SIL1: variants seen among roughly 807,000 people sequenced by gnomAD.
SIL1 encodes the protein SIL1 nucleotide exchange factor.
In SIL1, 40 loss-of-function variants were observed where a neutral mutation model predicts 49.1. That is an observed-to-expected ratio of 0.81 (90% CI 0.63 to 1.06). The LOEUF is 1.06. Ranked by LOEUF, SIL1 falls within the 50% of genes least tolerant of loss-of-function variation. SIL1 has a pLI of 0.00. For missense variants in SIL1, 500 were observed against 572.6 expected (o/e 0.87, Z 1.29); for synonymous variants, 253 against 250.8 (o/e 1.01, Z -0.08).
At chr5:139,179,228 C>G (rs1304359057) in intron 1 of SIL1, among the ~76,000 whole-genome samples, 1 of 152,158 alleles carries the variant, frequency 6.6e-6, no homozygotes, top group Non-Finnish European at 1.5e-5. Flanking sequence ...ACCAGGACCC[C>G]CTGAAAGAAA....
chr5:139,124,654 G>C (rs1750719258), intron 2 of SIL1, among the ~76,000 whole-genome samples: 1 of 152,222 alleles, frequency 6.6e-6, no homozygotes, highest in African/African-American at 2.4e-5. Flanking sequence ...AGGCTGGACA[G>C]TGAGTTCAAA....
At chr5:139,166,532 C>T (rs1169299352) in intron 1 of SIL1, among the ~76,000 whole-genome samples, 1 of 152,186 alleles carries the variant, frequency 6.6e-6, no homozygotes, top group Non-Finnish European at 1.5e-5. Flanking sequence ...TGATGAGTAC[C>T]TGTAGTCCCA....
At chr5:139,040,668 T>G (rs1204530487) in intron 5 of SIL1, among the ~76,000 whole-genome samples, 1 of 151,652 alleles carries the variant, frequency 6.6e-6, no homozygotes, top group Non-Finnish European at 1.5e-5. Context: ...CCGGCTAATT[T>G]TTGCATTTTC....
rs771297655 is a variant in SIL1 at position 138,947,224 on chromosome 5, C to T, written c.1279G>A (p.Ala427Thr). ...AGGCTGGCCAGCACCTGGTACTCAG[C>T]CTGCAGGCTGGCCAGTGTCCTGCCG... ...QLGRTLASLQ[A>T]EYQVLASLEL... Residue 427 changes from alanine (A) to threonine (T), a missense_variant, in exon 10 of 10, where the codon GCT becomes ACT. Coordinates refer to ENST00000394817, the MANE Select transcript of SIL1 (RefSeq NM_022464.5). The surrounding 1 kb of genome is among the most constrained non-coding windows in gnomAD (Gnocchi z 4.1). 5 of 1,613,200 alleles carry T rather than the reference C, an allele frequency of 3.1e-6. No individual in the cohort carries two copies. In the South Asian group the frequency reaches 5.5e-5, roughly 18 times the overall value.
At chr5:139,174,798 C>T (rs1038853501) in intron 1 of SIL1, among the ~76,000 whole-genome samples, 2 of 150,712 alleles carry the variant, frequency 1.3e-5, no homozygotes, top group African/African-American at 2.4e-5. Context: ...ATTAGCCGGG[C>T]ATCATGTTAT....
chr5:139,151,207 A>G (rs1311260727), intron 1 of SIL1, among the ~76,000 whole-genome samples: 2 of 152,166 alleles, frequency 1.3e-5, no homozygotes, highest in Non-Finnish European at 2.9e-5. Flanking sequence ...TATATGTTGA[A>G]TGAATGAAGA....
At chr5:139,042,559 C>A in intron 5 of SIL1, 61 bp downstream of exon 5, 1 of 1,376,068 alleles carries the variant, frequency 7.3e-7, no homozygotes, top group Admixed American at 1.7e-5. Context: ...TGATTCCATT[C>A]TCTGCAAAGA....
At chr5:139,121,207 C>T in intron 2 of SIL1, 34 bp from the exon 3 acceptor site, 1 of 1,613,716 alleles carries the variant, frequency 6.2e-7, no homozygotes, top group Non-Finnish European at 8.5e-7. Flanking sequence ...TGACCCACTG[C>T]AACTAGGCGC....
chr5:139,189,432 A>AC (rs1226944300), intron 1 of SIL1, among the ~76,000 whole-genome samples: 2 of 151,918 alleles, frequency 1.3e-5, no homozygotes, highest in East Asian at 3.9e-4. Context: ...GTCTCCCATC[A>AC]CCCCCAGATG....
intron 1 of SIL1, among the ~76,000 whole-genome samples, chr5:139,134,578 C>G (rs1437919686): frequency 6.6e-6 from 1 of 152,172 alleles, no homozygotes; most frequent in Non-Finnish European, 1.5e-5. Flanking sequence ...AAATGAGGAC[C>G]AAAGCCTTTT....
At chr5:139,025,808 G>A (rs1768635871) in intron 6 of SIL1, among the ~76,000 whole-genome samples, 1 of 152,144 alleles carries the variant, frequency 6.6e-6, no homozygotes, top group African/African-American at 2.4e-5. Flanking sequence ...TAAAGGGCCT[G>A]GTAGTAAATA....
At chr5:139,117,091 C>T (rs1045251498) in intron 3 of SIL1, among the ~76,000 whole-genome samples, 7 of 152,208 alleles carry the variant, frequency 4.6e-5, no homozygotes, top group African/African-American at 1.7e-4. Flanking sequence ...CTTGCCATAC[C>T]ATCTTTATGC....
chr5:139,153,716 G>C (rs1751352406), intron 1 of SIL1, among the ~76,000 whole-genome samples: 1 of 152,118 alleles, frequency 6.6e-6, no homozygotes, highest in Non-Finnish European at 1.5e-5. Context: ...GAGATACAAA[G>C]GTGACTATGC....
chr5:139,001,899 G>A (rs891645696), intron 7 of SIL1, among the ~76,000 whole-genome samples: 4 of 149,566 alleles, frequency 2.7e-5, no homozygotes, highest in Admixed American at 6.7e-5. Context: ...GTGAGACTCC[G>A]TCTAAAAAAA....
intron 3 of SIL1, among the ~76,000 whole-genome samples, chr5:139,113,140 C>A (rs1339295023): frequency 1.3e-5 from 2 of 151,868 alleles, no homozygotes; most frequent in Admixed American, 1.3e-4. Context: ...ATCTCAAGTA[C>A]CCAGGGACAC....
At chr5:139,025,687 C>T (rs1232649783) in intron 6 of SIL1, among the ~76,000 whole-genome samples, 1 of 152,154 alleles carries the variant, frequency 6.6e-6, no homozygotes, top group African/African-American at 2.4e-5. Context: ...CCAGTCACTC[C>T]AATCTTTTCC....
rs938518846 is a variant in SIL1 at position 139,160,506 on chromosome 5, T to A, written c.-10-32653A>T. Among the ~76,000 whole-genome samples the A allele has an allele frequency of 8.5e-5, 13 of 152,250 alleles. No individual in the cohort carries two copies. The East Asian group carries it at 2.5e-3, about 29-fold the overall frequency. ...TCTGGTAACTACTAGAACCTTCAAA[T>A]CCCTGTCTTGCTGGTGTATAGCTGA... On this transcript the variant is annotated intron_variant, in intron 1 of 9. Transcript: ENST00000394817.
intron 3 of SIL1, among the ~76,000 whole-genome samples, chr5:139,103,951 G>T (rs1384890584): frequency 6.6e-6 from 1 of 152,216 alleles, no homozygotes; most frequent in African/African-American, 2.4e-5. Flanking sequence ...GGCCAGAAAT[G>T]GGAAGGAGAG....
At chr5:139,157,870 A>G (rs1297090711) in intron 1 of SIL1, among the ~76,000 whole-genome samples, 1 of 152,194 alleles carries the variant, frequency 6.6e-6, no homozygotes, top group Non-Finnish European at 1.5e-5. Context: ...TTAATTCATT[A>G]AAGTACCCAG....
Sources: gnomAD v4.1 joint callset for allele counts (sites outside exome capture counted in the v4.1 genomes callset) on GRCh38, gnomAD v4.1.1 for gene constraint, Gnocchi (gnomAD v3.1) non-coding constraint, MANE v1.5 for transcripts, NCBI Gene and HGNC (gene_info 2026-07-23, HGNC 2026-07-21) for gene names.